The following ITSN2 variants were observed in gnomAD, a reference collection of about 807,000 sequenced individuals.
ITSN2 encodes the protein intersectin-2.
ITSN2 carries 156 observed loss-of-function variants against 243.7 expected under a neutral mutation model. The ratio of observed to expected loss-of-function variants is 0.64; its 90% CI spans 0.56 to 0.73. ITSN2 has a LOEUF of 0.73. ITSN2 is among the 30% of genes least tolerant of loss of function. ITSN2 has a pLI of 0.00. For missense variants in ITSN2, 1,801 were observed against 1,996.1 expected (o/e 0.90, Z 1.86); for synonymous variants, 703 against 699.9 (o/e 1.00, Z -0.07).
intron 34 of ITSN2, 57 bp from the exon 35 acceptor site, chr2:24,210,090 CT>C: frequency 4.6e-6 from 6 of 1,309,412 alleles, no homozygotes; most frequent in Non-Finnish European, 3.3e-6. Flanking sequence ...TCCAGTGCCC[CT>C]GAGAGGCCAG....
chr2:24,279,726 C>CTTTTTTTT (rs955431908), intron 17 of ITSN2, among the ~76,000 whole-genome samples: 10 of 78,300 alleles, frequency 1.3e-4, no homozygotes, highest in African/African-American at 2.1e-4. Flanking sequence ...TGTGAATTTT[C>CTTTTTTTT]TTTTTTTTTT....
At chr2:24,283,649 A>C (rs188582848) in intron 17 of ITSN2, among the ~76,000 whole-genome samples, 440 of 152,326 alleles carry the variant, frequency 2.9e-3, no homozygotes, top group Non-Finnish European at 3.8e-3. Flanking sequence ...TAGATTTCAT[A>C]TCTCTTTAGT....
Position 24,328,071 on chromosome 2 carries a change from CT to C in ITSN2, c.11del (p.Gln4ArgfsTer6). On this transcript the variant is annotated frameshift_variant, in exon 2 of 40. Transcript: ENST00000355123. LOFTEE classifies it high-confidence loss of function. MMA[Q>X]FPTAMNGGPN... is the part of the protein sequence containing the mutation. ...GCTTACCATTCATAGCTGTGGGAAACTGAGCCATCATGGTCCTGAGTTTTCC... is the reference window on the plus strand; with the variant it reads ...GCTTACCATTCATAGCTGTGGGAAACGAGCCATCATGGTCCTGAGTTTTCC... 2 of 1,613,598 alleles carry C rather than the reference CT, an allele frequency of 1.2e-6. No individual in the cohort carries two copies. Among genetic ancestry groups the C allele is most frequent in the Non-Finnish European group, 1.7e-6 (2 of 1,179,880 alleles).
intron 17 of ITSN2, among the ~76,000 whole-genome samples, chr2:24,278,531 C>G (rs1678321215): frequency 6.6e-6 from 1 of 152,094 alleles, no homozygotes; most frequent in Non-Finnish European, 1.5e-5. Flanking sequence ...AAATTCCTAT[C>G]CTTAGACCTA....
intron 1 of ITSN2, among the ~76,000 whole-genome samples, chr2:24,343,410 A>G (rs901144260): frequency 2.0e-5 from 3 of 152,124 alleles, no homozygotes; most frequent in African/African-American, 2.4e-5. Context: ...TTCACAGTGA[A>G]TAAGTAATCT....
In ITSN2 at chr2:24,216,208, G is replaced by T. The variant is rs146336289; in HGVS notation, c.3831C>A (p.Thr1277=). The T allele has an allele frequency of 3.1e-6, 5 of 1,605,186 alleles. No individual in the cohort carries two copies. In the East Asian group the frequency reaches 9.0e-5, roughly 29 times the overall value. The change falls in exon 32 of 40, where the codon ACC becomes ACA. Residue 1277 remains threonine, a synonymous_variant. Transcript: ENST00000355123. ...TCTGCACCGGCATCTTCTCGCCCCC[G>T]GTCTTCTTCCGCACCCGCAAAGCCC... ...LLKALRVRKK[T]GGEKMPVQMI... is the part of the protein sequence containing the mutation.
intron 1 of ITSN2, among the ~76,000 whole-genome samples, chr2:24,339,283 C>A (rs958996239): frequency 6.8e-6 from 1 of 147,112 alleles, no homozygotes; most frequent in Non-Finnish European, 1.5e-5. Context: ...GAGTCCTGGG[C>A]TACACAAGGA....
chr2:24,332,561 T>C (rs1046927883), intron 1 of ITSN2, among the ~76,000 whole-genome samples: 1 of 152,224 alleles, frequency 6.6e-6, no homozygotes, highest in African/African-American at 2.4e-5. Context: ...TACCATATTA[T>C]ATGTAACATT....
chr2:24,317,855 C>T (rs1684105616), intron 2 of ITSN2, among the ~76,000 whole-genome samples: 1 of 152,174 alleles, frequency 6.6e-6, no homozygotes, highest in Non-Finnish European at 1.5e-5. Context: ...TGGCATTGTT[C>T]CCTTTGACTC....
At chr2:24,281,636 ACAT>A (rs1678790760) in intron 17 of ITSN2, among the ~76,000 whole-genome samples, 1 of 152,250 alleles carries the variant, frequency 6.6e-6, no homozygotes. Context: ...CAATTTAAAT[ACAT>A]CACCTCCAAC....
intron 24 of ITSN2, among the ~76,000 whole-genome samples, chr2:24,253,831 AT>A (rs1210249793): frequency 1.3e-5 from 2 of 152,238 alleles, no homozygotes; most frequent in Non-Finnish European, 1.5e-5. Flanking sequence ...TCATTTATAA[AT>A]GTATGTAACT....
intron 27 of ITSN2, among the ~76,000 whole-genome samples, chr2:24,247,241 T>C (rs1673497226): frequency 6.6e-6 from 1 of 152,228 alleles, no homozygotes; most frequent in South Asian, 2.1e-4. Flanking sequence ...CAGTCAAAAC[T>C]GCACACCAAG....
At chr2:24,289,048 G>A (rs1182374739) in intron 15 of ITSN2, among the ~76,000 whole-genome samples, 1 of 152,160 alleles carries the variant, frequency 6.6e-6, no homozygotes, top group Non-Finnish European at 1.5e-5. Flanking sequence ...CAAACAGGCA[G>A]TGTGATGCTT....
intron 1 of ITSN2, among the ~76,000 whole-genome samples, chr2:24,330,038 AT>A (rs1685598772): frequency 6.6e-6 from 1 of 152,242 alleles, no homozygotes; most frequent in Middle Eastern, 3.2e-3. Flanking sequence ...GCCCTTATTC[AT>A]TAGTTTTCTG....
chr2:24,252,587 C>A, intron 24 of ITSN2, 76 bp from the exon 25 acceptor site: 2 of 1,074,308 alleles, frequency 1.9e-6, no homozygotes, highest in Non-Finnish European at 2.7e-6. Flanking sequence ...AGGTTATTCT[C>A]CAAGACATTG....
chr2:24,230,166 A>T (rs565538081), intron 29 of ITSN2, among the ~76,000 whole-genome samples: 177 of 152,232 alleles, frequency 1.2e-3, no homozygotes, highest in African/African-American at 4.1e-3. Context: ...ACCCCTAATC[A>T]TCTCCCAACC....
chr2:24,274,069 A>G (rs1217194157), intron 18 of ITSN2, among the ~76,000 whole-genome samples: 1 of 152,222 alleles, frequency 6.6e-6, no homozygotes, highest in East Asian at 1.9e-4. Flanking sequence ...AGGAATTGTG[A>G]ACACGATGAA....
chr2:24,315,401 T>C (rs1035979198), intron 2 of ITSN2, among the ~76,000 whole-genome samples, 177 bp from the exon 3 acceptor site: 2 of 152,230 alleles, frequency 1.3e-5, no homozygotes, highest in Non-Finnish European at 2.9e-5. Flanking sequence ...TTTTCACTCA[T>C]TGGCTCAATT....
At chr2:24,277,200 C>T (rs1053762672) in intron 17 of ITSN2, among the ~76,000 whole-genome samples, 7 of 150,978 alleles carry the variant, frequency 4.6e-5, no homozygotes, top group Admixed American at 3.3e-4. Context: ...GAAGTGGGGG[C>T]GGGGGGACTT....
Sources: gnomAD v4.1 joint callset for allele counts (sites outside exome capture counted in the v4.1 genomes callset) on GRCh38, gnomAD v4.1.1 for gene constraint, MANE v1.5 for transcripts, NCBI Gene and HGNC (gene_info 2026-07-23, HGNC 2026-07-21) for gene names.